CFAP91: variants seen among roughly 807,000 people sequenced by gnomAD.
CFAP91 encodes cilia and flagella associated protein 91.
Under a neutral mutation model 95.9 loss-of-function variants are expected in CFAP91, and 85 were observed. The ratio of observed to expected loss-of-function variants is 0.89; its 90% CI spans 0.74 to 1.06. CFAP91 has a LOEUF of 1.06. Among genes scored for constraint, CFAP91 ranks in the 50% least tolerant of loss-of-function variants. The pLI, the probability that CFAP91 is intolerant of heterozygous loss-of-function variation, is 0.00. For synonymous variants in CFAP91, 335 were observed against 327.5 expected (o/e 1.02, Z -0.25); for missense variants, 962 against 943.4 (o/e 1.02, Z -0.26).
intron 10 of CFAP91, among the ~76,000 whole-genome samples, chr3:119,734,814 C>G (rs1167867895): frequency 3.3e-5 from 5 of 152,038 alleles, no homozygotes; most frequent in Non-Finnish European, 7.4e-5. Flanking sequence ...ATATTCCTTC[C>G]TTTTTCTTTT....
At position 119,737,501 on chromosome 3, in the gene CFAP91, A is replaced by G. The variant is rs1369577672; in HGVS notation, c.1461+19A>G. 1 of 1,382,910 alleles carries G rather than the reference A, an allele frequency of 7.2e-7. No homozygotes were observed. Among genetic ancestry groups the G allele is most frequent in the Middle Eastern group, 1.8e-4 (1 of 5,582 alleles). 85.7% of individuals were successfully genotyped at this position (1,382,910 alleles called of 1,614,324 possible). A position where few individuals can be genotyped will look rare whatever the true frequency, so the allele number is the denominator to read the frequency against. ...GTCCAATGTAAGTTGGAAACTTTTT[A>G]GTTGAAATGCTAAATTCAATATCAT... On this transcript the variant is annotated intron_variant, in intron 11 of 17. Coordinates refer to ENST00000273390, the MANE Select transcript of CFAP91 (RefSeq NM_033364.4).
intron 17 of CFAP91, among the ~76,000 whole-genome samples, chr3:119,760,683 A>G (rs2107925060): frequency 6.6e-6 from 1 of 151,926 alleles, no homozygotes; most frequent in East Asian, 1.9e-4. Flanking sequence ...TATTTTTTCC[A>G]ACCACTGTGG....
chr3:119,743,887 C>G, intron 13 of CFAP91, 88 bp from the exon 14 acceptor site: 1 of 1,179,106 alleles, frequency 8.5e-7, no homozygotes, highest in Admixed American at 2.7e-5. Flanking sequence ...AATTGACTGC[C>G]AAGAGTTTTG....
intron 17 of CFAP91, among the ~76,000 whole-genome samples, 161 bp downstream of exon 17, chr3:119,751,259 A>G (rs2054320262): frequency 6.6e-6 from 1 of 152,208 alleles, no homozygotes; most frequent in Non-Finnish European, 1.5e-5. Flanking sequence ...TATGTTATCT[A>G]CTGTTGAGAT....
rs201377329 is a variant in CFAP91 at position 119,732,345 on chromosome 3, G to A, written c.1070G>A (p.Arg357Lys). 25 of 1,611,708 alleles carry A rather than the reference G, an allele frequency of 1.6e-5. No individual in the cohort carries two copies. The East Asian group carries it at 5.4e-4, about 35-fold the overall frequency. Residue 357 changes from arginine (R) to lysine (K), a missense_variant, in exon 9 of 18, where the codon AGA becomes AAA. Arg to Lys is a conservative substitution (Grantham distance 26, BLOSUM62 2). Coordinates refer to ENST00000273390, the MANE Select transcript of CFAP91 (RefSeq NM_033364.4). The part of the protein sequence containing the change: ...KRKNIEGKLE[R>K]RNIIKDYSDY... ...AAGAATATAGAAGGGAAGTTGGAGA[G>A]AAGAAATATCATCAAGGATTATTCT...
Position 119,733,360 on chromosome 3 carries a change from A to G in CFAP91, c.1202-4A>G, listed in dbSNP as rs1577223551. On this transcript the variant is annotated splice_region_variant and splice_polypyrimidine_tract_variant and intron_variant, in intron 9 of 17. Transcript: ENST00000273390. Reference sequence around the variant, plus strand: ...TACTAAAAACATGTGCTTCCTTCCCATAGGATTAGTGGAACTTGAGTCATG... The same window carrying G: ...TACTAAAAACATGTGCTTCCTTCCCGTAGGATTAGTGGAACTTGAGTCATG... 1.2e-6 allele frequency: 2 copies of G among 1,613,792 alleles called. No homozygotes were observed. Among genetic ancestry groups the G allele is most frequent in the Non-Finnish European group, 1.7e-6 (2 of 1,179,872 alleles).
intron 15 of CFAP91, 135 bp downstream of exon 15, chr3:119,747,398 C>T: frequency 9.6e-7 from 1 of 1,038,438 alleles, no homozygotes; most frequent in Non-Finnish European, 1.4e-6. Flanking sequence ...GTTTTATTAA[C>T]ATTAACTCTT....
In CFAP91 at chr3:119,751,000, G is replaced by A. The variant is rs776934715; in HGVS notation, c.2207G>A (p.Ser736Asn). 3.3e-5 allele frequency: 53 copies of A among 1,613,854 alleles called. No homozygotes were observed. The highest frequency in any genetic ancestry group is 4.3e-5 in the Non-Finnish European group (51 of 1,179,926). Reference protein sequence around the residue: ...AHQIIHSYTESMVQKKLTEGE... With the variant: ...AHQIIHSYTENMVQKKLTEGE... ...CAGATCATCCACAGTTACACGGAAA[G>A]CATGGTTCAAAAGAAATTAACTGAG... Residue 736 changes from serine to asparagine, a missense_variant, in exon 17 of 18, where the codon AGC becomes AAC. By Grantham distance (46) the Ser-to-Asn change is conservative. Coordinates refer to ENST00000273390, the MANE Select transcript of CFAP91 (RefSeq NM_033364.4).
At chr3:119,735,608 A>G (rs1345723066) in intron 10 of CFAP91, among the ~76,000 whole-genome samples, 7 of 152,208 alleles carry the variant, frequency 4.6e-5, no homozygotes, top group African/African-American at 1.2e-4. Context: ...TGTGATACCT[A>G]TCCTTTGAAA....
At chr3:119,752,857 G>A (rs2054351082) in intron 17 of CFAP91, among the ~76,000 whole-genome samples, 2 of 152,016 alleles carry the variant, frequency 1.3e-5, no homozygotes, top group African/African-American at 2.4e-5. Flanking sequence ...CTAGTTGTCA[G>A]GCTAACTACA....
At chr3:119,747,990 A>C (rs2054257509) in intron 16 of CFAP91, 88 bp downstream of exon 16, 1 of 1,014,588 alleles carries the variant, frequency 9.9e-7, no homozygotes, top group Non-Finnish European at 1.5e-6. Context: ...AAACAGAGGG[A>C]TGAGGAAATT....
At position 119,717,550 on chromosome 3, in the gene CFAP91, GTT is replaced by G. The variant is rs1553706267; in HGVS notation, c.682+1825_682+1826del. 8.9e-3 allele frequency among the ~76,000 whole-genome samples: 1,158 copies of G among 130,158 alleles called. 12 individuals are homozygous for G. Among genetic ancestry groups the G allele is most frequent in the African/African-American group, 0.029 (1,009 of 35,228 alleles). 85.4% of individuals were successfully genotyped at this position (130,158 alleles called of 152,430 possible). On this transcript the variant is annotated intron_variant, in intron 6 of 17. Coordinates refer to ENST00000273390, the MANE Select transcript of CFAP91 (RefSeq NM_033364.4). ...AATATCTGTTAAGTAAAATACGTTG[GTT>G]TTTTTTTTTTTTTTTTTCACAAACA...
rs199566013 is a variant in CFAP91, at chr3:119,747,175, G to A, written c.1963G>A (p.Glu655Lys). ...CCTAGAAGACATAATACTGAATACC[G>A]AAGCGAATACTGCAGAAGAACAAGC... ...SYLEDIILNT[E>K]ANTAEEQARA... Residue 655 changes from glutamate (E) to lysine (K), a missense_variant, in exon 15 of 18, where the codon GAA becomes AAA. By Grantham distance (56) the Glu-to-Lys change is moderately conservative. Coordinates refer to ENST00000273390, the MANE Select transcript of CFAP91 (RefSeq NM_033364.4). 247 of 1,613,600 alleles carry A rather than the reference G, an allele frequency of 1.5e-4. No individual in the cohort carries two copies. The highest frequency in any genetic ancestry group is 2.0e-4 in the Non-Finnish European group (237 of 1,179,788).
At chr3:119,724,168 CAAAA>C (rs60965924) in intron 6 of CFAP91, among the ~76,000 whole-genome samples, 2 of 98,790 alleles carry the variant, frequency 2.0e-5, no homozygotes, top group Admixed American at 1.0e-4. Flanking sequence ...GACTTCATCT[CAAAA>C]AAAAAAAAAA....
At chr3:119,747,668 G>A (rs2054249288) in intron 15 of CFAP91, 143 bp from the exon 16 acceptor site, 1 of 713,032 alleles carries the variant, frequency 1.4e-6, no homozygotes, top group Admixed American at 3.2e-5. Context: ...AAACTTGCCA[G>A]GAATGTGATA....
At chr3:119,752,177 A>G (rs1376455368) in intron 17 of CFAP91, 1 of 152,176 alleles carries the variant, frequency 6.6e-6, no homozygotes, top group Non-Finnish European at 1.5e-5. Context: ...AGGTATACCA[A>G]CCATCAGGTT....
chr3:119,714,997 A>G (rs2053546698), intron 5 of CFAP91, among the ~76,000 whole-genome samples: 1 of 152,196 alleles, frequency 6.6e-6, no homozygotes, highest in Admixed American at 6.5e-5. Flanking sequence ...GAGACAAGCT[A>G]ACTTTCCCAC....
rs2053376743 is a variant in CFAP91, at chr3:119,706,961, G to A, written c.201+76G>A. 5.4e-6 allele frequency: 6 copies of A among 1,108,536 alleles called. No homozygotes were observed. The South Asian group carries it at 6.5e-5, about 12-fold the overall frequency. The allele number at this position is 1,108,536 out of a possible 1,614,324, so 68.7% of individuals were successfully genotyped here. A position where few individuals can be genotyped will look rare whatever the true frequency, so the allele number is the denominator to read the frequency against. The stretch of plus-strand genomic sequence containing the variant: ...TTTGCCTGACTGCATTGATCAGATT[G>A]ACTAATCACCAAATCTTCACTGGAT... On this transcript the variant is annotated intron_variant, in intron 2 of 17. Coordinates refer to ENST00000273390, the MANE Select transcript of CFAP91 (RefSeq NM_033364.4).
chr3:119,741,024 G>A (rs544190374), intron 13 of CFAP91, among the ~76,000 whole-genome samples: 45 of 152,238 alleles, frequency 3.0e-4, no homozygotes, highest in African/African-American at 8.9e-4. Context: ...GCTAATTTCC[G>A]TATTCTTAGT....
Sources: allele counts gnomAD v4.1 joint callset (sites outside exome capture counted in the v4.1 genomes callset), GRCh38; gene constraint gnomAD v4.1.1; transcripts MANE v1.5; gene names NCBI Gene and HGNC (gene_info 2026-07-23, HGNC 2026-07-21).